The following EFR3B variants were observed in gnomAD, a reference collection of about 807,000 sequenced individuals.
EFR3B encodes protein EFR3 homolog B.
A neutral mutation model predicts 104.7 loss-of-function variants in EFR3B; 64 were observed. The observed-to-expected ratio is 0.61, with a 90% confidence interval of 0.50 to 0.75. The LOEUF (loss-of-function observed/expected upper bound fraction) is 0.75, where lower values mean the gene tolerates loss of function less well. EFR3B is among the 30% of genes least tolerant of loss of function. The pLI is 0.00. For synonymous variants in EFR3B, 385 were observed against 417.9 expected, an observed-to-expected ratio of 0.92 and a Z score of 0.96; for missense variants, 750 against 1,078.5, an observed-to-expected ratio of 0.70 and a Z score of 4.27.
chr2:25,141,675 G>T (rs1414234417), intron 17 of EFR3B, among the ~76,000 whole-genome samples: 1 of 152,220 alleles, frequency 6.6e-6, no homozygotes, highest in Admixed American at 6.5e-5. Flanking sequence ...ACAGCCTCCG[G>T]GGGCTTTGGC....
chr2:25,048,618 G>A (rs1667784173), intron 1 of EFR3B, among the ~76,000 whole-genome samples: 2 of 151,760 alleles, frequency 1.3e-5, no homozygotes, highest in African/African-American at 4.8e-5. Flanking sequence ...AGGTGCCGAG[G>A]GCACGAGCTG....
chr2:25,130,573 T>C lies in EFR3B; in HGVS notation c.792T>C (p.Leu264=). The C allele has an allele frequency of 6.4e-7, 1 of 1,551,764 alleles. No homozygotes were observed. Among genetic ancestry groups the C allele is most frequent in the Non-Finnish European group, 8.7e-7 (1 of 1,146,996 alleles). Reference sequence around the variant, plus strand: ...ACAGCCATCTGGATAACCATTCTCTTTGGGAACCCAAGGTGTTTGCCATCC... The same window carrying C: ...ACAGCCATCTGGATAACCATTCTCTCTGGGAACCCAAGGTGTTTGCCATCC... The part of the protein sequence containing the change: ...PVLIHLDNHS[L]WEPKVFAIRC... Residue 264 remains leucine (L), a synonymous_variant, in exon 8 of 23, where the codon CTT becomes CTC. Coordinates refer to ENST00000403714, the MANE Select transcript of EFR3B (RefSeq NM_014971.2). The surrounding 1 kb of genome is among the most constrained non-coding windows in gnomAD (Gnocchi z 4.6).
intron 1 of EFR3B, chr2:25,080,777 CA>C: frequency 7.8e-7 from 1 of 1,281,288 alleles, no homozygotes; most frequent in Non-Finnish European, 1.1e-6. Flanking sequence ...GAATTAGAGT[CA>C]AAATTGATCT....
intron 4 of EFR3B, among the ~76,000 whole-genome samples, chr2:25,120,997 G>C (rs892636106): frequency 2.6e-5 from 4 of 152,092 alleles, no homozygotes; most frequent in African/African-American, 9.7e-5. Context: ...CACCTCCCGG[G>C]TTCAAGCAAT....
At chr2:25,102,738 ATGT>A (rs1669459386) in intron 3 of EFR3B, among the ~76,000 whole-genome samples, 1 of 151,964 alleles carries the variant, frequency 6.6e-6, no homozygotes, top group Non-Finnish European at 1.5e-5. Context: ...TTGCTATTGG[ATGT>A]TGTGTATTCC....
At chr2:25,098,828 C>G (rs1434873497) in intron 3 of EFR3B, among the ~76,000 whole-genome samples, 1 of 139,966 alleles carries the variant, frequency 7.1e-6, no homozygotes. Flanking sequence ...TGGTAAGTAG[C>G]CAATTTTTTT....
intron 6 of EFR3B, among the ~76,000 whole-genome samples, chr2:25,129,384 T>G (rs1670266143): frequency 6.7e-6 from 1 of 148,426 alleles, no homozygotes; most frequent in African/African-American, 2.5e-5. Context: ...GGGGTGGGGT[T>G]CGTATGCCAT....
chr2:25,083,272 G>A (rs974739656), intron 1 of EFR3B, among the ~76,000 whole-genome samples: 34 of 152,290 alleles, frequency 2.2e-4, no homozygotes, highest in African/African-American at 6.7e-4. Context: ...AGTGAAAGAG[G>A]ACCCGTTGGA....
At chr2:25,082,056 C>T (rs959383420) in intron 1 of EFR3B, among the ~76,000 whole-genome samples, 7 of 152,186 alleles carry the variant, frequency 4.6e-5, no homozygotes, top group Non-Finnish European at 8.8e-5. Flanking sequence ...GTCACAGGGA[C>T]GCAGATGCTG....
chr2:25,139,213 G>C (rs1289541233), intron 16 of EFR3B, 23 bp downstream of exon 16: 2 of 1,544,654 alleles, frequency 1.3e-6, no homozygotes, highest in Non-Finnish European at 1.7e-6. Flanking sequence ...ACGACCAAGA[G>C]CTCAGGGGGC....
Position 25,128,175 on chromosome 2 carries a change from C to G in EFR3B, c.486-8C>G, listed in dbSNP as rs1337698038. On this transcript the variant is annotated splice_polypyrimidine_tract_variant and splice_region_variant and intron_variant, in intron 5 of 22. Transcript: ENST00000403714. ...CTTCCGAGTCCCACTTCACCCTTTTCCTTACAGAATTCGAATGTCAGGCAT... is the reference window on the plus strand; with the variant it reads ...CTTCCGAGTCCCACTTCACCCTTTTGCTTACAGAATTCGAATGTCAGGCAT... 1.3e-6 allele frequency: 2 copies of G among 1,551,524 alleles called. No homozygotes were observed. Among genetic ancestry groups the G allele is most frequent in the African/African-American group, 2.7e-5 (2 of 73,032 alleles).
At chr2:25,143,049 C>T (rs940817092) in intron 17 of EFR3B, among the ~76,000 whole-genome samples, 1 of 149,470 alleles carries the variant, frequency 6.7e-6, no homozygotes, top group African/African-American at 2.5e-5. Context: ...AGATCGAGAC[C>T]ATCCTGGCTA....
At chr2:25,051,637 G>T (rs76444464) in intron 1 of EFR3B, among the ~76,000 whole-genome samples, 11,396 of 136,592 alleles carry the variant, frequency 0.083, 674 homozygotes, top group East Asian at 0.21. Flanking sequence ...GTGTGTGTGT[G>T]TTTTTTTTTT....
Position 25,145,034 on chromosome 2 carries a change from A to G in EFR3B, c.2125A>G (p.Ser709Gly). Reference protein sequence around the residue: ...SLQVEVESRNSPEKEERVPAE... With the variant: ...SLQVEVESRNGPEKEERVPAE... Reference sequence around the variant, plus strand: ...GCAGGTGGAGGTAGAATCGAGGAACAGTCCGGAGAAGGAGGAGGTGAGTGT... The same window carrying G: ...GCAGGTGGAGGTAGAATCGAGGAACGGTCCGGAGAAGGAGGAGGTGAGTGT... The change falls in exon 19 of 23, where the codon AGT (serine) becomes GGT (glycine). Residue 709 changes from serine to glycine, a missense_variant. Physicochemically the swap from Ser to Gly is moderately conservative, Grantham distance 56 (BLOSUM62 0). Coordinates refer to ENST00000403714, the MANE Select transcript of EFR3B (RefSeq NM_014971.2). 1 of 1,551,754 alleles carries G rather than the reference A, an allele frequency of 6.4e-7. No homozygotes were observed. The highest frequency in any genetic ancestry group is 1.4e-5 in the African/African-American group (1 of 73,184).
intron 1 of EFR3B, among the ~76,000 whole-genome samples, chr2:25,087,423 A>G (rs1456475454): frequency 3.9e-5 from 6 of 151,950 alleles, no homozygotes; most frequent in Middle Eastern, 3.4e-3. Context: ...GTCTTCTACA[A>G]ATACTTTCTC....
intron 1 of EFR3B, among the ~76,000 whole-genome samples, chr2:25,068,446 C>T (rs1668395891): frequency 1.3e-5 from 2 of 152,118 alleles, no homozygotes; most frequent in African/African-American, 2.4e-5. Flanking sequence ...CGGGAAGGCT[C>T]CACGCCTCAT....
chr2:25,144,410 G>C (rs1309125624), intron 18 of EFR3B, among the ~76,000 whole-genome samples: 1 of 144,718 alleles, frequency 6.9e-6, no homozygotes, highest in Non-Finnish European at 1.6e-5. Flanking sequence ...TGCATGTGGT[G>C]GTGGGTGCCT....
At chr2:25,077,930 G>T (rs1378838312) in intron 1 of EFR3B, among the ~76,000 whole-genome samples, 1 of 152,062 alleles carries the variant, frequency 6.6e-6, no homozygotes, top group Non-Finnish European at 1.5e-5. Flanking sequence ...TTGTTTCATG[G>T]ATTCACCAGT....
chr2:25,128,431 C>A, intron 6 of EFR3B, 99 bp downstream of exon 6: 3 of 1,453,304 alleles, frequency 2.1e-6, no homozygotes, highest in Non-Finnish European at 1.9e-6. Flanking sequence ...AACTCAGCTA[C>A]AAGGCCAGGG....
Sources: gnomAD v4.1 joint callset for allele counts (sites outside exome capture counted in the v4.1 genomes callset) on GRCh38, gnomAD v4.1.1 for gene constraint, Gnocchi (gnomAD v3.1) non-coding constraint, MANE v1.5 for transcripts, NCBI Gene and HGNC (gene_info 2026-07-23, HGNC 2026-07-21) for gene names.